PARN: variants seen among roughly 807,000 people sequenced by gnomAD.
PARN encodes poly(A)-specific ribonuclease.
PARN carries 71 observed loss-of-function variants against 102.8 expected under a neutral mutation model. That is an observed-to-expected ratio of 0.69 (90% CI 0.57 to 0.84). The LOEUF (loss-of-function observed/expected upper bound fraction) is 0.84, where lower values mean the gene tolerates loss of function less well. Ranked by LOEUF, PARN falls within the 40% of genes least tolerant of loss-of-function variation. The probability of loss-of-function intolerance (pLI) is 0.00; values close to 1 mark genes in which losing one functional copy is unlikely to be tolerated. For missense variants in PARN, 782 were observed against 760.9 expected (o/e 1.03, Z -0.33); for synonymous variants, 261 against 252.9 (o/e 1.03, Z -0.30).
At chr16:14,613,498 C>T (rs1971658509) in intron 6 of PARN, among the ~76,000 whole-genome samples, 1 of 152,034 alleles carries the variant, frequency 6.6e-6, no homozygotes. Context: ...TGCCACGCGC[C>T]TATAGTCCCA....
chr16:14,523,919 GC>G (rs796311649), intron 21 of PARN, among the ~76,000 whole-genome samples: 71 of 152,050 alleles, frequency 4.7e-4, no homozygotes, highest in African/African-American at 1.6e-3. Flanking sequence ...ACACGCCTGG[GC>G]TATACAGTAT....
At chr16:14,569,510 T>C (rs1968655703) in intron 18 of PARN, among the ~76,000 whole-genome samples, 3 of 152,200 alleles carry the variant, frequency 2.0e-5, no homozygotes, top group Non-Finnish European at 2.9e-5. Flanking sequence ...ATTTCCCTTA[T>C]GCTCCTGCTG....
chr16:14,471,573 C>T (rs1052621819), intron 22 of PARN, among the ~76,000 whole-genome samples: 2 of 152,092 alleles, frequency 1.3e-5, no homozygotes, highest in African/African-American at 4.8e-5. Context: ...CCATTTTAAA[C>T]GTACAGTTCT....
chr16:14,601,185 A>G (rs1283757415), intron 11 of PARN, among the ~76,000 whole-genome samples: 4 of 152,218 alleles, frequency 2.6e-5, no homozygotes, highest in Non-Finnish European at 2.9e-5. Flanking sequence ...CAAGAGCATT[A>G]TTCACAATAG....
intron 18 of PARN, among the ~76,000 whole-genome samples, chr16:14,566,020 C>T (rs1253878297): frequency 1.3e-5 from 2 of 152,140 alleles, no homozygotes; most frequent in Non-Finnish European, 2.9e-5. Context: ...ATAACTATTA[C>T]CCACTTGCTC....
chr16:14,562,703 G>A (rs1968149986), intron 18 of PARN, among the ~76,000 whole-genome samples: 1 of 149,194 alleles, frequency 6.7e-6, no homozygotes, highest in African/African-American at 2.5e-5. Flanking sequence ...ATTAGCAAAA[G>A]TCTAACCTGT....
At chr16:14,617,370 C>T (rs565782078) in intron 6 of PARN, among the ~76,000 whole-genome samples, 9 of 121,264 alleles carry the variant, frequency 7.4e-5, no homozygotes, top group Middle Eastern at 4.8e-3. Flanking sequence ...GGCAACAGAG[C>T]GAGACTCTTC....
chr16:14,527,952 G>A (rs576323764), intron 21 of PARN, among the ~76,000 whole-genome samples: 10 of 152,268 alleles, frequency 6.6e-5, no homozygotes, highest in African/African-American at 1.7e-4. Context: ...CACATGTTGG[G>A]CAATACAAAA....
At chr16:14,549,267 T>C (rs1967150075) in intron 21 of PARN, among the ~76,000 whole-genome samples, 1 of 152,338 alleles carries the variant, frequency 6.6e-6, no homozygotes, top group South Asian at 2.1e-4. Flanking sequence ...AGTGATCTAC[T>C]TAACCTAGGA....
At chr16:14,513,992 A>G (rs1965331245) in intron 21 of PARN, among the ~76,000 whole-genome samples, 1 of 152,130 alleles carries the variant, frequency 6.6e-6, no homozygotes, top group African/African-American at 2.4e-5. Context: ...TTCAACAAAC[A>G]TTTGAGCACT....
At chr16:14,629,802 G>A (rs1017773504) in intron 1 of PARN, 128 bp from the exon 2 acceptor site, 19 of 749,518 alleles carry the variant, frequency 2.5e-5, no homozygotes, top group Non-Finnish European at 3.9e-5. Flanking sequence ...GTGTGCACCG[G>A]GGCGAGGGGA....
At chr16:14,520,889 T>C (rs1188423964) in intron 21 of PARN, among the ~76,000 whole-genome samples, 1 of 152,172 alleles carries the variant, frequency 6.6e-6, no homozygotes. Context: ...TTCTTCTTTA[T>C]AGTGTGTGTG....
At chr16:14,546,929 C>G (rs765074069) in intron 21 of PARN, among the ~76,000 whole-genome samples, 4 of 151,852 alleles carry the variant, frequency 2.6e-5, no homozygotes, top group Non-Finnish European at 4.4e-5. Context: ...CTCGTCTCTA[C>G]TAAAAATACA....
At chr16:14,548,653 G>C (rs1313891353) in intron 21 of PARN, among the ~76,000 whole-genome samples, 1 of 152,048 alleles carries the variant, frequency 6.6e-6, no homozygotes, top group African/African-American at 2.4e-5. Flanking sequence ...CCTACAAAGA[G>C]AGCCAGAGAA....
chr16:14,449,522 T>TAAAC (rs1370254510), intron 22 of PARN, among the ~76,000 whole-genome samples: 1 of 152,128 alleles, frequency 6.6e-6, no homozygotes, highest in East Asian at 1.9e-4. Context: ...CTCATAGATG[T>TAAAC]AAACATCTTT....
chr16:14,628,246 T>C lies in PARN; in HGVS notation c.103A>G (p.Ser35Gly), dbSNP rs1972801483. ...FAIDGEFSGI[S>G]DGPSVSALTN... ...AATGCAGAGACTGAAGGTCCATCAC[T>C]GATTCCTAGATTTTAAGAAATAAAA... Residue 35 changes from serine to glycine, a missense_variant, in exon 3 of 24, where the codon AGT becomes GGT. Physicochemically the swap from Ser to Gly is moderately conservative, Grantham distance 56. Coordinates refer to ENST00000437198, the MANE Select transcript of PARN (RefSeq NM_002582.4). The C allele has an allele frequency of 1.3e-6, 2 of 1,584,112 alleles. No individual in the cohort carries two copies. Among genetic ancestry groups the C allele is most frequent in the Non-Finnish European group, 1.7e-6 (2 of 1,155,684 alleles).
chr16:14,559,503 C>T (rs1394363253), intron 18 of PARN, among the ~76,000 whole-genome samples: 1 of 151,766 alleles, frequency 6.6e-6, no homozygotes, highest in East Asian at 1.9e-4. Flanking sequence ...GTGAAATAAG[C>T]ACATCATGGA....
At chr16:14,596,969 T>C (rs1455399311) in intron 12 of PARN, among the ~76,000 whole-genome samples, 1 of 151,944 alleles carries the variant, frequency 6.6e-6, no homozygotes, top group Non-Finnish European at 1.5e-5. Context: ...GTATTTTCAT[T>C]AGAGATGGTA....
At chr16:14,562,759 C>T (rs993371904) in intron 18 of PARN, among the ~76,000 whole-genome samples, 2 of 152,022 alleles carry the variant, frequency 1.3e-5, no homozygotes, top group Admixed American at 6.5e-5. Flanking sequence ...TAATGCAGCA[C>T]TAAAGATTAG....
Sources: gnomAD v4.1 joint callset for allele counts (sites outside exome capture counted in the v4.1 genomes callset) on GRCh38, gnomAD v4.1.1 for gene constraint, MANE v1.5 for transcripts, NCBI Gene and HGNC (gene_info 2026-07-23, HGNC 2026-07-21) for gene names.